Variants in FAM13A observed in about 807,000 individuals in gnomAD.
FAM13A encodes protein FAM13A.
Under a neutral mutation model 129.6 loss-of-function variants are expected in FAM13A, and 76 were observed. The observed-to-expected ratio is 0.59, with a 90% confidence interval of 0.49 to 0.71. FAM13A has a LOEUF of 0.71. Among genes scored for constraint, FAM13A ranks in the 30% least tolerant of loss-of-function variants. FAM13A has a pLI of 0.00. For synonymous variants in FAM13A, 443 were observed against 449.9 expected (o/e 0.98, Z 0.20); for missense variants, 1,108 against 1,249.3 (o/e 0.89, Z 1.70).
chr4:88,977,099 AT>A (rs1196052420), intron 4 of FAM13A, among the ~76,000 whole-genome samples: 1 of 152,220 alleles, frequency 6.6e-6, no homozygotes, highest in African/African-American at 2.4e-5. Flanking sequence ...TGTATCTATA[AT>A]AAAGTTGAAT....
At chr4:89,040,686 C>T (rs181723356) in intron 1 of FAM13A, among the ~76,000 whole-genome samples, 106 of 152,268 alleles carry the variant, frequency 7.0e-4, no homozygotes, top group Non-Finnish European at 1.0e-3. Context: ...TGGAAAAGAG[C>T]AAACCCAACA....
intron 6 of FAM13A, among the ~76,000 whole-genome samples, chr4:88,853,446 A>G (rs1737961762): frequency 1.3e-5 from 2 of 152,212 alleles, no homozygotes; most frequent in South Asian, 4.1e-4. Flanking sequence ...ATACGCTGTT[A>G]TATATTTCAT....
intron 4 of FAM13A, among the ~76,000 whole-genome samples, chr4:88,952,181 T>C (rs1364629686): frequency 6.6e-6 from 1 of 152,094 alleles, no homozygotes; most frequent in African/African-American, 2.4e-5. Flanking sequence ...AGCAATCTTT[T>C]ATATAAACAG....
Position 88,787,590 on chromosome 4 carries a change from G to C in FAM13A, c.1271+163C>G, listed in dbSNP as rs75985789. Reference sequence around the variant, plus strand: ...AATTACCTATGAATTTCCAAATGTAGCTAAGTTTAGAATGGACAAACTGAT... The same window carrying C: ...AATTACCTATGAATTTCCAAATGTACCTAAGTTTAGAATGGACAAACTGAT... On this transcript the variant is annotated intron_variant, in intron 10 of 23. Coordinates refer to ENST00000264344, the MANE Select transcript of FAM13A (RefSeq NM_014883.4). Among the ~76,000 whole-genome samples, 23 of 152,264 alleles carry C rather than the reference G, an allele frequency of 1.5e-4. 1 individual carries two copies. In the East Asian group the frequency reaches 4.4e-3, roughly 29 times the overall value.
chr4:89,017,236 AG>A (rs1766621692), intron 3 of FAM13A, among the ~76,000 whole-genome samples: 1 of 152,208 alleles, frequency 6.6e-6, no homozygotes, highest in African/African-American at 2.4e-5. Flanking sequence ...AGAGATTTTA[AG>A]GGAATGGAAG....
chr4:88,798,889 G>T (rs1328690449), intron 8 of FAM13A, among the ~76,000 whole-genome samples: 1 of 152,066 alleles, frequency 6.6e-6, no homozygotes, highest in Non-Finnish European at 1.5e-5. Context: ...AGAGACCTAG[G>T]CAGAATGGAT....
At chr4:88,919,880 C>G (rs137965846) in intron 5 of FAM13A, among the ~76,000 whole-genome samples, 1 of 152,234 alleles carries the variant, frequency 6.6e-6, no homozygotes, top group Admixed American at 6.5e-5. Context: ...TAAAAAATGG[C>G]GCACCAGGAG....
intron 1 of FAM13A, among the ~76,000 whole-genome samples, chr4:89,032,597 T>C (rs1238089029): frequency 6.6e-6 from 1 of 152,236 alleles, no homozygotes; most frequent in African/African-American, 2.4e-5. Flanking sequence ...CAGTATACTT[T>C]TTTATAATTA....
chr4:88,786,849 T>G (rs1218454559), intron 10 of FAM13A, among the ~76,000 whole-genome samples: 1 of 151,928 alleles, frequency 6.6e-6, no homozygotes, highest in Non-Finnish European at 1.5e-5. Flanking sequence ...AGAATGCGAA[T>G]GAGGGGTGTG....
chr4:88,966,559 A>AT (rs1297855161), intron 4 of FAM13A, among the ~76,000 whole-genome samples: 2 of 151,942 alleles, frequency 1.3e-5, no homozygotes, highest in Admixed American at 1.3e-4. Context: ...AAGCTATTTT[A>AT]TTTTTTTCAT....
rs1311303557 is a variant in FAM13A, at chr4:88,728,548, A to G, written c.3057T>C (p.Asp1019=). The G allele has an allele frequency of 1.2e-6, 2 of 1,614,148 alleles. No homozygotes were observed. The highest frequency in any genetic ancestry group is 1.7e-6 in the Non-Finnish European group (2 of 1,180,014). Residue 1019 remains aspartate, a synonymous_variant, in exon 24 of 24, where the codon GAT becomes GAC. Transcript: ENST00000264344. ...GCCATGCCCCTCACATGGACTTGGA[A>G]TCAGTGTCTCTCTTGCTGATGAGCA... ...LEVLISKRDT[D]SKSM
chr4:88,900,840 G>A (rs1747177228), intron 6 of FAM13A, among the ~76,000 whole-genome samples: 1 of 152,230 alleles, frequency 6.6e-6, no homozygotes, highest in Non-Finnish European at 1.5e-5. Flanking sequence ...CCAATTAAAT[G>A]ACACAGAATG....
At position 88,733,574 on chromosome 4, in the gene FAM13A, G is replaced by A. The variant is rs556010267; in HGVS notation, c.2647-1376C>T. The stretch of plus-strand genomic sequence containing the variant: ...ATAAGGCACACCTGGGACACTGGCT[G>A]TGCACATCAGTTTTCCGCTCCCTCT... On this transcript the variant is annotated intron_variant, in intron 21 of 23. Transcript: ENST00000264344. Among the ~76,000 whole-genome samples the A allele has an allele frequency of 4.3e-4, 65 of 152,324 alleles. No individual in the cohort carries two copies. The South Asian group carries it at 0.013, about 30-fold the overall frequency.
At chr4:88,994,320 T>C (rs1763274967) in intron 3 of FAM13A, among the ~76,000 whole-genome samples, 2 of 152,372 alleles carry the variant, frequency 1.3e-5, no homozygotes, top group East Asian at 1.9e-4. Context: ...AGGTTAATTA[T>C]GTATCTGCAT....
rs750853633 is a variant in FAM13A, at chr4:88,750,596, C to T, written c.1768G>A (p.Asp590Asn). Residue 590 changes from aspartate (D) to asparagine (N), a missense_variant, in exon 15 of 24, where the codon GAC (aspartate) becomes AAC (asparagine). Physicochemically the swap from Asp to Asn is conservative, Grantham distance 23. Around this residue, in one of 3 missense-constraint regions of FAM13A, gnomAD observed 529 missense variants for 621.2 expected, o/e 0.85. Coordinates refer to ENST00000264344, the MANE Select transcript of FAM13A (RefSeq NM_014883.4). ...AFSSWQRENS[D>N]SDEAHLSPQA... ...GGCGAGAGGTGGGCTTCATCAGAGT[C>T]ACTGTTCTCCCGCTGCCAGGAGGAG... 2 of 1,614,092 alleles carry T rather than the reference C, an allele frequency of 1.2e-6. No individual in the cohort carries two copies. The highest frequency in any genetic ancestry group is 1.7e-6 in the Non-Finnish European group (2 of 1,180,030).
At chr4:89,011,190 A>G (rs75983318) in intron 3 of FAM13A, among the ~76,000 whole-genome samples, 3 of 151,484 alleles carry the variant, frequency 2.0e-5, no homozygotes, top group African/African-American at 7.2e-5. Context: ...TGTTCTCTTC[A>G]TGTTTTCTGT....
chr4:88,787,299 T>A (rs1180406331), intron 10 of FAM13A, among the ~76,000 whole-genome samples: 1 of 152,164 alleles, frequency 6.6e-6, no homozygotes, highest in Non-Finnish European at 1.5e-5. Context: ...CATAATCAAA[T>A]GTCAGAGTAT....
chr4:88,731,426 G>A lies in FAM13A; in HGVS notation c.2846C>T (p.Pro949Leu), dbSNP rs1167133565. Residue 949 changes from proline (P) to leucine (L), a missense_variant and splice_region_variant, in exon 23 of 24, where the codon CCT (proline) becomes CTT (leucine). Coordinates refer to ENST00000264344, the MANE Select transcript of FAM13A (RefSeq NM_014883.4). ...GLSNLHAASIPELLEHLQEMR... is the reference protein window; with the variant it reads ...GLSNLHAASILELLEHLQEMR... ...TTCCTGGAGGTGTTCCAGGAGTTCA[G>A]GTCTAAGAGAGAGGAAGCATTGCAA... 7.6e-6 allele frequency: 12 copies of A among 1,569,148 alleles called. No individual in the cohort carries two copies. Among genetic ancestry groups the A allele is most frequent in the Non-Finnish European group, 1.0e-5 (12 of 1,154,402 alleles).
chr4:88,834,055 ATTTTT>A (rs922832858), intron 7 of FAM13A, among the ~76,000 whole-genome samples: 2 of 84,216 alleles, frequency 2.4e-5, no homozygotes, highest in Admixed American at 1.4e-4. Context: ...AGGCCTGGCT[ATTTTT>A]TTTTTTTTTT....
Sources: gnomAD v4.1 joint callset for allele counts (sites outside exome capture counted in the v4.1 genomes callset) on GRCh38, gnomAD v4.1.1 for gene constraint, gnomAD v4.1.1 regional missense constraint, MANE v1.5 for transcripts, NCBI Gene and HGNC (gene_info 2026-07-23, HGNC 2026-07-21) for gene names.